TMEM185A: variants seen among roughly 807,000 people sequenced by gnomAD.
The protein encoded by TMEM185A is transmembrane protein 185A.
A neutral mutation model predicts 25.0 loss-of-function variants in TMEM185A; 9 were observed. That is an observed-to-expected ratio of 0.36 (90% confidence interval 0.22 to 0.63). The LOEUF is 0.63. TMEM185A is among the 20% of genes least tolerant of loss of function. The probability of loss-of-function intolerance (pLI) is 0.68; values close to 1 mark genes in which losing one functional copy is unlikely to be tolerated. For missense variants in TMEM185A, 103 were observed against 237.4 expected, an observed-to-expected ratio of 0.43 and a Z score of 3.72; for synonymous variants, 45 against 93.5, an observed-to-expected ratio of 0.48 and a Z score of 2.99.
intron 1 of TMEM185A, among the ~76,000 whole-genome samples, chrX:149,616,615 G>GA (rs2090111769): frequency 9.0e-6 from 1 of 111,672 alleles, no homozygotes; most frequent in Admixed American, 9.5e-5. Context: ...GCCCCACTTG[G>GA]ATAACCCCAT....
Position 149,631,567 on chromosome X carries a change from C to A in TMEM185A, c.14G>T (p.Gly5Val). The change falls in exon 1 of 7, where the codon GGC (glycine) becomes GTC (valine). Residue 5 changes from glycine to valine, a missense_variant. By Grantham distance (109) the Gly-to-Val change is moderately radical. Coordinates refer to ENST00000600449, the MANE Select transcript of TMEM185A (RefSeq NM_032508.4). Reference sequence around the variant, plus strand: ...CCTCGGGTTGAAGTCCTGGAAGAGGCCCCTCAGGTTCATGGCGGAGAACTT... The same window carrying A: ...CCTCGGGTTGAAGTCCTGGAAGAGGACCCTCAGGTTCATGGCGGAGAACTT... MNLR[G>V]LFQDFNPSKF... 2 of 1,171,351 alleles carry A rather than the reference C, an allele frequency of 1.7e-6. No individual in the cohort carries two copies. Among genetic ancestry groups the A allele is most frequent in the Non-Finnish European group, 2.3e-6 (2 of 875,055 alleles).
rs987227296 is a variant in TMEM185A at position 149,626,415 on chromosome X, A to G, written c.38+5128T>C. The stretch of plus-strand genomic sequence containing the variant: ...TATGTATTTTTAATTCATACGACAC[A>G]TATCATCTGCAGTGCTCATACCACA... On this transcript the variant is annotated intron_variant, in intron 1 of 6. Transcript: ENST00000600449. Among the ~76,000 whole-genome samples the G allele has an allele frequency of 3.6e-5, 4 of 112,518 alleles. No homozygotes were observed. In the Admixed American group the frequency reaches 3.7e-4, roughly 11 times the overall value.
At chrX:149,629,762 T>C (rs1253426321) in intron 1 of TMEM185A, among the ~76,000 whole-genome samples, 2 of 112,301 alleles carry the variant, frequency 1.8e-5, no homozygotes, top group East Asian at 5.6e-4. Context: ...TTAAAGGTAG[T>C]ATCAGTGCAG....
chrX:149,631,043 G>A (rs982563634), intron 1 of TMEM185A, among the ~76,000 whole-genome samples: 1 of 110,798 alleles, frequency 9.0e-6, no homozygotes, highest in Admixed American at 9.5e-5. Flanking sequence ...AGTGTTTCAG[G>A]TATCCGTTCA....
At chrX:149,609,226 C>A (rs2090068905) in intron 2 of TMEM185A, among the ~76,000 whole-genome samples, 1 of 112,463 alleles carries the variant, frequency 8.9e-6, no homozygotes, top group East Asian at 2.8e-4. Context: ...TAAAACCAGG[C>A]AAATACCCCT....
chrX:149,631,730 C>CCCCGCT lies in TMEM185A; in HGVS notation c.-151_-150insAGCGGG, dbSNP rs2090197084. ...CTGCCGTCCCCGCTGCCGTCGCCGT[C>CCCCGCT]GCCGTCGCCGCCGCCGCCGCCGCCG... On this transcript the variant is annotated 5_prime_UTR_variant, in exon 1 of 7. Transcript: ENST00000600449. 4 of 407,487 alleles carry CCCCGCT rather than the reference C, an allele frequency of 9.8e-6. No homozygotes were observed. In the East Asian group the frequency reaches 2.5e-4, roughly 26 times the overall value. 33.6% of individuals were successfully genotyped at this position (407,487 alleles called of 1,213,427 possible). A position where few individuals can be genotyped will look rare whatever the true frequency, so the allele number is the denominator to read the frequency against.
At chrX:149,628,526 C>T (rs1283930563) in intron 1 of TMEM185A, among the ~76,000 whole-genome samples, 16 of 112,248 alleles carry the variant, frequency 1.4e-4, no homozygotes, top group African/African-American at 5.2e-4. Flanking sequence ...AGTGGGTCAG[C>T]TGGCAGCCCT....
At chrX:149,605,888 C>G (rs782228560) in intron 3 of TMEM185A, among the ~76,000 whole-genome samples, 1 of 111,730 alleles carries the variant, frequency 9.0e-6, no homozygotes, top group East Asian at 2.8e-4. Flanking sequence ...AATCTGGGAC[C>G]AGGCCCAGAG....
chrX:149,628,958 C>T (rs914842936), intron 1 of TMEM185A, among the ~76,000 whole-genome samples: 18 of 112,025 alleles, frequency 1.6e-4, no homozygotes, highest in African/African-American at 5.9e-4. Flanking sequence ...TCCAAGTATG[C>T]AGGCTACGAT....
rs373504117 is a variant in TMEM185A, at chrX:149,628,518, T to A, written c.38+3025A>T. On this transcript the variant is annotated intron_variant, in intron 1 of 6. Transcript: ENST00000600449. ...CAGTGCCAGATGGAAATAGGTAGAGTGGGTCAGCTGGCAGCCCTGTACATC... is the reference window on the plus strand; with the variant it reads ...CAGTGCCAGATGGAAATAGGTAGAGAGGGTCAGCTGGCAGCCCTGTACATC... 5.4e-5 allele frequency among the ~76,000 whole-genome samples: 6 copies of A among 111,687 alleles called. No homozygotes were observed. The East Asian group carries it at 8.5e-4, about 16-fold the overall frequency.
chrX:149,627,005 G>T (rs782024178), intron 1 of TMEM185A, among the ~76,000 whole-genome samples: 1 of 112,033 alleles, frequency 8.9e-6, no homozygotes, highest in South Asian at 3.8e-4. Context: ...TCCCAGGGAT[G>T]AGCAGGAGAC....
intron 4 of TMEM185A, among the ~76,000 whole-genome samples, chrX:149,603,033 C>T (rs1342593588): frequency 9.0e-6 from 1 of 111,467 alleles, no homozygotes; most frequent in East Asian, 2.8e-4. Flanking sequence ...AAAATAAAAC[C>T]GAACAAAAAC....
chrX:149,609,345 G>A (rs2090069477), intron 2 of TMEM185A, among the ~76,000 whole-genome samples: 1 of 112,781 alleles, frequency 8.9e-6, no homozygotes, highest in African/African-American at 3.2e-5. Flanking sequence ...TTTCAAGATA[G>A]TAGTAACTAT....
chrX:149,622,934 G>A (rs2090146594), intron 1 of TMEM185A, among the ~76,000 whole-genome samples: 1 of 112,076 alleles, frequency 8.9e-6, no homozygotes, highest in African/African-American at 3.2e-5. Flanking sequence ...TGGGGTACAC[G>A]TGATACTGTG....
At chrX:149,628,361 G>C (rs1224241419) in intron 1 of TMEM185A, among the ~76,000 whole-genome samples, 1 of 112,066 alleles carries the variant, frequency 8.9e-6, no homozygotes, top group Non-Finnish European at 1.9e-5. Flanking sequence ...TAAGAACAGG[G>C]CTCTTTCACT....
At chrX:149,606,038 G>A (rs189796587) in intron 3 of TMEM185A, among the ~76,000 whole-genome samples, 1 of 112,268 alleles carries the variant, frequency 8.9e-6, no homozygotes, top group East Asian at 2.8e-4. Flanking sequence ...AACTTAGTAA[G>A]TATTTCTAAG....
chrX:149,628,067 C>T, intron 1 of TMEM185A, among the ~76,000 whole-genome samples: 1 of 111,856 alleles, frequency 8.9e-6, no homozygotes, highest in Middle Eastern at 4.2e-3. Context: ...AGTTGGAACC[C>T]CCAGAGCAAC....
Position 149,611,355 on chromosome X carries a change from C to T in TMEM185A, c.147G>A (p.Leu49=). 8.3e-7 allele frequency: 1 copy of T among 1,211,486 alleles called. No individual in the cohort carries two copies. The highest frequency in any genetic ancestry group is 1.1e-6 in the Non-Finnish European group (1 of 895,368). The change falls in exon 2 of 7, where the codon CTG becomes CTA. Residue 49 remains leucine, a synonymous_variant. Transcript: ENST00000600449. Reference sequence around the variant, plus strand: ...CTCCAACAATGACCATTAACTTCCACAGCCATATTGGAGCAAAGACAGCCC... The same window carrying T: ...CTCCAACAATGACCATTAACTTCCATAGCCATATTGGAGCAAAGACAGCCC... The part of the protein sequence containing the change: ...SYWAVFAPIW[L]WKLMVIVGAS...
intron 1 of TMEM185A, among the ~76,000 whole-genome samples, chrX:149,612,212 C>G (rs1351686031): frequency 8.9e-6 from 1 of 112,023 alleles, no homozygotes; most frequent in African/African-American, 3.2e-5. Context: ...TACAAAAGAA[C>G]AGTTTTCAGA....
Sources: gnomAD v4.1 joint callset for allele counts (sites outside exome capture counted in the v4.1 genomes callset) on GRCh38, gnomAD v4.1.1 for gene constraint, MANE v1.5 for transcripts, NCBI Gene and HGNC (gene_info 2026-07-23, HGNC 2026-07-21) for gene names.